ACTR3C: variants seen among roughly 807,000 people sequenced by gnomAD.
ACTR3C encodes actin-related protein 3C.
In ACTR3C, 18 loss-of-function variants were observed where a neutral mutation model predicts 26.3. The observed-to-expected ratio is 0.68, with a 90% CI of 0.47 to 1.01. The LOEUF (loss-of-function observed/expected upper bound fraction) is 1.01, where lower values mean the gene tolerates loss of function less well. Ranked by LOEUF, ACTR3C falls within the 50% of genes least tolerant of loss-of-function variation. The pLI is 0.00. For synonymous variants in ACTR3C, 55 were observed against 94.5 expected, an observed-to-expected ratio of 0.58 and a Z score of 2.42; for missense variants, 184 against 250.7, an observed-to-expected ratio of 0.73 and a Z score of 1.80.
chr7:150,291,019 C>T (rs146834450), intron 3 of ACTR3C, among the ~76,000 whole-genome samples: 2 of 151,972 alleles, frequency 1.3e-5, no homozygotes, highest in Non-Finnish European at 2.9e-5. Context: ...TAAATTAATA[C>T]GCAAAATATA....
chr7:150,107,947 G>A, the ACTR3C span, among the ~76,000 whole-genome samples: 2 of 152,002 alleles, frequency 1.3e-5, no homozygotes, highest in African/African-American at 4.8e-5. Context: ...AGTGTCAATT[G>A]TATGTAGGAG....
chr7:149,914,221 AAC>A, the ACTR3C span, among the ~76,000 whole-genome samples: 4 of 151,786 alleles, frequency 2.6e-5, no homozygotes, highest in Admixed American at 1.3e-4. Flanking sequence ...TATTATTTAA[AAC>A]ACTGTGTGTT....
downstream of ACTR3C, among the ~76,000 whole-genome samples, chr7:150,239,550 A>C (rs1252868749): frequency 1.5e-4 from 21 of 137,864 alleles, no homozygotes; most frequent in African/African-American, 4.6e-4. Flanking sequence ...CTATATATAT[A>C]TATATATATA....
chr7:150,165,099 C>A, the ACTR3C span, among the ~76,000 whole-genome samples: 2 of 152,178 alleles, frequency 1.3e-5, no homozygotes, highest in African/African-American at 2.4e-5. Flanking sequence ...TAATTTGGCA[C>A]CATGGTGTGC....
chr7:149,912,010 GAA>G, the ACTR3C span, among the ~76,000 whole-genome samples: 5 of 128,362 alleles, frequency 3.9e-5, no homozygotes, highest in African/African-American at 5.7e-5. Context: ...ACCCTGTCTC[GAA>G]AAAAAAAAAA....
chr7:150,057,821 G>A, the ACTR3C span, among the ~76,000 whole-genome samples: 1 of 152,350 alleles, frequency 6.6e-6, no homozygotes, highest in Admixed American at 6.5e-5. Context: ...CCTGATTAAA[G>A]TGGAATGTTG....
chr7:150,273,531 T>C (rs1466337853), intron 6 of ACTR3C, among the ~76,000 whole-genome samples: 17 of 151,014 alleles, frequency 1.1e-4, no homozygotes, highest in Admixed American at 1.1e-3. Context: ...CCTCCCGAAG[T>C]GATGGGATTA....
the ACTR3C span, among the ~76,000 whole-genome samples, chr7:150,137,873 T>A: frequency 6.6e-6 from 1 of 152,314 alleles, no homozygotes; most frequent in East Asian, 1.9e-4. Flanking sequence ...ACTGCTATAG[T>A]CTTATACTGC....
At chr7:150,030,615 CTA>C in the ACTR3C span, among the ~76,000 whole-genome samples, 1 of 152,214 alleles carries the variant, frequency 6.6e-6, no homozygotes, top group African/African-American at 2.4e-5. Flanking sequence ...ACAATATCCA[CTA>C]TGATTTATCT....
the ACTR3C span, among the ~76,000 whole-genome samples, chr7:150,041,963 C>T: frequency 9.4e-5 from 14 of 148,746 alleles, no homozygotes; most frequent in South Asian, 1.7e-3. Flanking sequence ...TACCTGCTGT[C>T]GGAAGATTTG....
the ACTR3C span, among the ~76,000 whole-genome samples, chr7:150,191,197 T>C: frequency 6.6e-6 from 1 of 152,224 alleles, no homozygotes; most frequent in African/African-American, 2.4e-5. Context: ...TGTGGGTAGC[T>C]ATTTTAGTTC....
the ACTR3C span, chr7:149,881,676 T>G: frequency 6.6e-6 from 1 of 152,076 alleles, no homozygotes. Flanking sequence ...GGGGTGCAGG[T>G]TGCTCAGGGG....
At position 150,247,393 on chromosome 7, in the gene ACTR3C, G is replaced by C. The variant is rs1373791455; in HGVS notation, c.*215C>G. 6.6e-6 allele frequency: 1 copy of C among 150,898 alleles called. No individual in the cohort carries two copies. Among genetic ancestry groups the C allele is most frequent in the Non-Finnish European group, 1.5e-5 (1 of 67,836 alleles). 9.3% of individuals were successfully genotyped at this position (150,898 alleles called of 1,614,324 possible). ...CCTGGGCTTGCTGCTGCCCCACGTA[G>C]TAAGGATGCAACAGTTTGTGGTTCT... On this transcript the variant is annotated 3_prime_UTR_variant, in exon 8 of 8. Coordinates refer to ENST00000683684, the MANE Select transcript of ACTR3C (RefSeq NM_001164458.2).
At chr7:149,896,291 ACT>A in the ACTR3C span, among the ~76,000 whole-genome samples, 1 of 152,114 alleles carries the variant, frequency 6.6e-6, no homozygotes, top group Non-Finnish European at 1.5e-5. Context: ...GAGCACACAG[ACT>A]CTGAAGTTAT....
chr7:150,108,515 C>T, the ACTR3C span, among the ~76,000 whole-genome samples: 1 of 150,568 alleles, frequency 6.6e-6, no homozygotes, highest in Non-Finnish European at 1.5e-5. Flanking sequence ...CTGAATGTGC[C>T]CCCCAAAATT....
At chr7:150,227,259 TG>T in the ACTR3C span, among the ~76,000 whole-genome samples, 3 of 151,626 alleles carry the variant, frequency 2.0e-5, no homozygotes, top group Non-Finnish European at 4.4e-5. Flanking sequence ...AAGGGAGACT[TG>T]GTACCCTTTG....
At chr7:150,125,824 C>T in the ACTR3C span, among the ~76,000 whole-genome samples, 1 of 152,150 alleles carries the variant, frequency 6.6e-6, no homozygotes, top group East Asian at 1.9e-4. Flanking sequence ...GAACCCTTAG[C>T]CAAATGTGAG....
the ACTR3C span, among the ~76,000 whole-genome samples, chr7:150,084,668 G>C: frequency 1.3e-5 from 2 of 152,166 alleles, no homozygotes; most frequent in East Asian, 1.9e-4. Context: ...CAGGAAAAAG[G>C]GGTCTTATAA....
chr7:150,293,277 C>T, intron 3 of ACTR3C, 35 bp downstream of exon 3: 1 of 1,540,226 alleles, frequency 6.5e-7, no homozygotes, highest in East Asian at 2.4e-5. Context: ...AGGTGTTAAG[C>T]CTACAGAGAC....
Sources: gnomAD v4.1 joint callset for allele counts (sites outside exome capture counted in the v4.1 genomes callset) on GRCh38, gnomAD v4.1.1 for gene constraint, MANE v1.5 for transcripts, NCBI Gene and HGNC (gene_info 2026-07-23, HGNC 2026-07-21) for gene names.